Variants in GUCY1A1 observed in about 807,000 individuals in gnomAD.
The protein encoded by GUCY1A1 is guanylate cyclase soluble subunit alpha-1.
Under a neutral mutation model 64.5 loss-of-function variants are expected in GUCY1A1, and 48 were observed. The observed-to-expected ratio is 0.74, with a 90% CI of 0.59 to 0.95. The LOEUF (loss-of-function observed/expected upper bound fraction) is 0.95. Ranked by LOEUF, GUCY1A1 falls within the 40% of genes least tolerant of loss-of-function variation. GUCY1A1 has a pLI of 0.00. For synonymous variants in GUCY1A1, 308 were observed against 303.4 expected (o/e 1.02, Z -0.16); for missense variants, 804 against 825.3 (o/e 0.97, Z 0.32).
intron 6 of GUCY1A1, among the ~76,000 whole-genome samples, chr4:155,712,721 A>C (rs953244036): frequency 5.9e-5 from 9 of 152,200 alleles, no homozygotes; most frequent in African/African-American, 2.2e-4. Flanking sequence ...GGAAGAAGGA[A>C]GAAAGAAAGG....
intron 7 of GUCY1A1, among the ~76,000 whole-genome samples, chr4:155,715,571 C>G (rs1002279146): frequency 6.6e-6 from 1 of 152,128 alleles, no homozygotes; most frequent in African/African-American, 2.4e-5. Context: ...TTCCATATGA[C>G]GTGACGAAGG....
In GUCY1A1 at chr4:155,710,827, C is replaced by T; in HGVS notation, c.662C>T (p.Ala221Val). The T allele has an allele frequency of 6.2e-7, 1 of 1,614,122 alleles. No individual in the cohort carries two copies. The highest frequency in any genetic ancestry group is 8.5e-7 in the Non-Finnish European group (1 of 1,179,990). ...CTGATTCTTCCCGGCATCATAAAGG[C>T]AGCTGCTCACGTATTATATGAAACG... ...TSLILPGIIK[A>V]AAHVLYETEV... The change falls in exon 6 of 10, where the codon GCA becomes GTA. Residue 221 changes from alanine (A) to valine (V), a missense_variant. Ala to Val is a moderately conservative substitution (Grantham distance 64, BLOSUM62 0). Coordinates refer to ENST00000506455, the MANE Select transcript of GUCY1A1 (RefSeq NM_001130682.3).
At chr4:155,703,782 AAAGTGAAAATTCAT>A in intron 3 of GUCY1A1, 136 bp from the exon 4 acceptor site, 1 of 597,448 alleles carries the variant, frequency 1.7e-6, no homozygotes. Context: ...TCCAGTTTCC[AAAGTGAAAATTCAT>A]AACATTTATC....
At position 155,710,892 on chromosome 4, in the gene GUCY1A1, G is replaced by T; in HGVS notation, c.727G>T (p.Asp243Tyr). 1 of 1,613,908 alleles carries T rather than the reference G, an allele frequency of 6.2e-7. No individual in the cohort carries two copies. ...VSLMPPCFHN[D>Y]CSEFVNQPYL... The stretch of plus-strand genomic sequence containing the variant: ...GTTAATGCCTCCCTGCTTCCATAAT[G>T]ATTGCAGCGAGTTTGTGAATCAGCC... The change falls in exon 6 of 10, where the codon GAT becomes TAT. Residue 243 changes from aspartate (D) to tyrosine (Y), a missense_variant. By Grantham distance (160) the Asp-to-Tyr change is radical (BLOSUM62 -3). Transcript: ENST00000506455.
intron 2 of GUCY1A1, among the ~76,000 whole-genome samples, chr4:155,678,933 A>G (rs2126580768): frequency 6.6e-6 from 1 of 152,274 alleles, no homozygotes; most frequent in East Asian, 1.9e-4. Context: ...AATGTTTATG[A>G]CTGTTTATAT....
intron 2 of GUCY1A1, among the ~76,000 whole-genome samples, chr4:155,691,387 C>T (rs934096583): frequency 5.3e-5 from 8 of 152,166 alleles, no homozygotes; most frequent in African/African-American, 1.9e-4. Context: ...TTTCCTACTA[C>T]AAAGTGAAAA....
intron 9 of GUCY1A1, among the ~76,000 whole-genome samples, chr4:155,725,661 G>A (rs1427642237): frequency 6.6e-6 from 1 of 151,926 alleles, no homozygotes; most frequent in African/African-American, 2.4e-5. Flanking sequence ...GTATCTCAAA[G>A]TCTGGTGGTC....
chr4:155,714,733 C>T (rs3796588), intron 7 of GUCY1A1, among the ~76,000 whole-genome samples: 113,131 of 152,062 alleles, frequency 0.74, 42,302 homozygotes, highest in East Asian at 0.93. Context: ...TTCTAGATGC[C>T]AGAAGTAAAA....
chr4:155,713,609 G>T, intron 7 of GUCY1A1, 26 bp downstream of exon 7: 1 of 1,600,640 alleles, frequency 6.2e-7, no homozygotes. Context: ...GGAAATAATT[G>T]TTTTACCAGC....
intron 2 of GUCY1A1, among the ~76,000 whole-genome samples, chr4:155,688,757 C>A (rs1729342545): frequency 6.6e-6 from 1 of 151,252 alleles, no homozygotes; most frequent in Non-Finnish European, 1.5e-5. Flanking sequence ...TGAAATCATT[C>A]AATGCTTACG....
At position 155,734,987 on chromosome 4, in the gene GUCY1A1, TC is replaced by T. The variant is rs1332094353; in HGVS notation, c.*4757del. ...TTTGTTGAGTTTAGTTTTCTTCTGT[TC>T]TTAGCACGTCAGCTAGTAGATCTTT... On this transcript the variant is annotated 3_prime_UTR_variant, in exon 10 of 10. Transcript: ENST00000506455. 1.3e-5 allele frequency: 2 copies of T among 151,940 alleles called. No individual in the cohort carries two copies. Among genetic ancestry groups the T allele is most frequent in the African/African-American group, 2.4e-5 (1 of 41,424 alleles). 9.4% of individuals were successfully genotyped at this position (151,940 alleles called of 1,614,324 possible).
At position 155,684,282 on chromosome 4, in the gene GUCY1A1, AT is replaced by A. The variant is rs1293086343; in HGVS notation, c.-112-12473del. ...ATGGACTTTGCAAGCATCCAAATAT[AT>A]ACCTGCAAAGTATATGTTCAGAAGT... On this transcript the variant is annotated intron_variant, in intron 2 of 9. Coordinates refer to ENST00000506455, the MANE Select transcript of GUCY1A1 (RefSeq NM_001130682.3). Among the ~76,000 whole-genome samples the A allele has an allele frequency of 2.6e-5, 4 of 152,234 alleles. No individual in the cohort carries two copies. In the East Asian group the frequency reaches 5.8e-4, roughly 22 times the overall value.
In GUCY1A1 at chr4:155,693,064, A is replaced by AC. The variant is rs201191621; in HGVS notation, c.-112-3692_-112-3691insC. On this transcript the variant is annotated intron_variant, in intron 2 of 9. Transcript: ENST00000506455. ...ACAGAGTGAGACTCTGTCTCCAACAAAAAAAAAAAAAGTTCATGCTTCATT... is the reference window on the plus strand; with the variant it reads ...ACAGAGTGAGACTCTGTCTCCAACAACAAAAAAAAAAAGTTCATGCTTCATT... Among the ~76,000 whole-genome samples, 126 of 148,370 alleles carry AC rather than the reference A, an allele frequency of 8.5e-4. No individual in the cohort carries two copies. In the Middle Eastern group the frequency reaches 0.01, roughly 12 times the overall value.
chr4:155,705,708 C>T (rs1025134345), intron 4 of GUCY1A1, among the ~76,000 whole-genome samples: 1 of 152,138 alleles, frequency 6.6e-6, no homozygotes, highest in Admixed American at 6.5e-5. Flanking sequence ...ACAATTCATT[C>T]ATCTGTCTCC....
rs987585215 is a variant in GUCY1A1 at position 155,732,271 on chromosome 4, T to C, written c.*2040T>C. 5.3e-5 allele frequency: 8 copies of C among 151,868 alleles called. No homozygotes were observed. The highest frequency in any genetic ancestry group is 2.6e-4 in the Admixed American group (4 of 15,202). The allele number at this position is 151,868 out of a possible 1,614,324, so 9.4% of individuals were successfully genotyped here. ...TATATAATCTTGGTGAAAAGTTGTA[T>C]GGGAGTTTTTTGTACGATTCCTGCA... On this transcript the variant is annotated 3_prime_UTR_variant, in exon 10 of 10. Coordinates refer to ENST00000506455, the MANE Select transcript of GUCY1A1 (RefSeq NM_001130682.3).
rs75443425 is a variant in GUCY1A1, at chr4:155,725,082, A to G, written c.1871+2890A>G. ...CAACCTTCTCCTCACATACCCTCTCATTATCCTATTTCATCTTCTCAGTTC... is the reference window on the plus strand; with the variant it reads ...CAACCTTCTCCTCACATACCCTCTCGTTATCCTATTTCATCTTCTCAGTTC... On this transcript the variant is annotated intron_variant, in intron 9 of 9. Transcript: ENST00000506455. Among the ~76,000 whole-genome samples, 342 of 152,116 alleles carry G rather than the reference A, an allele frequency of 2.2e-3. 2 individuals are homozygous for G. Among genetic ancestry groups the G allele is most frequent in the Admixed American group, 7.9e-3 (121 of 15,254 alleles).
chr4:155,705,973 T>C (rs1384771392), intron 4 of GUCY1A1, among the ~76,000 whole-genome samples: 3 of 152,236 alleles, frequency 2.0e-5, no homozygotes, highest in Non-Finnish European at 4.4e-5. Flanking sequence ...TGTGCTACTG[T>C]GTCTGTCTGC....
intron 9 of GUCY1A1, among the ~76,000 whole-genome samples, chr4:155,728,572 C>A (rs1450318666): frequency 6.6e-6 from 1 of 151,724 alleles, no homozygotes; most frequent in Admixed American, 6.6e-5. Flanking sequence ...ATTCCCAGAC[C>A]ATAGGCTATA....
chr4:155,716,276 T>G (rs970898782), intron 7 of GUCY1A1, among the ~76,000 whole-genome samples: 1 of 152,198 alleles, frequency 6.6e-6, no homozygotes, highest in Non-Finnish European at 1.5e-5. Context: ...CTTTCTTTTT[T>G]CCTTTCTCAC....
Sources: allele counts gnomAD v4.1 joint callset (sites outside exome capture counted in the v4.1 genomes callset), GRCh38; gene constraint gnomAD v4.1.1; transcripts MANE v1.5; gene names NCBI Gene and HGNC (gene_info 2026-07-23, HGNC 2026-07-21).